The following NPR3 variants were observed in gnomAD, a reference collection of about 807,000 sequenced individuals.
NPR3 encodes the protein atrial natriuretic peptide receptor 3.
Under a neutral mutation model 54.5 loss-of-function variants are expected in NPR3, and 34 were observed. The observed-to-expected ratio is 0.62, with a 90% CI of 0.47 to 0.83. NPR3 has a LOEUF of 0.83. Ranked by LOEUF, NPR3 falls within the 40% of genes least tolerant of loss-of-function variation. The probability of loss-of-function intolerance (pLI) is 0.00; values close to 1 mark genes in which losing one functional copy is unlikely to be tolerated. For missense variants in NPR3, 674 were observed against 720.8 expected (o/e 0.94, Z 0.74); for synonymous variants, 289 against 297.1 (o/e 0.97, Z 0.28).
chr5:32,714,327 C>T (rs115729701), intron 1 of NPR3, among the ~76,000 whole-genome samples: 4,406 of 152,136 alleles, frequency 0.029, 239 homozygotes, highest in African/African-American at 0.1. Context: ...GGGCAGATCG[C>T]GGCCCCGGGG....
At chr5:32,760,088 C>T (rs950772275) in intron 3 of NPR3, among the ~76,000 whole-genome samples, 10 of 151,364 alleles carry the variant, frequency 6.6e-5, no homozygotes, top group Admixed American at 2.0e-4. Flanking sequence ...TGTTTAAATA[C>T]GCCATGATTT....
chr5:32,761,403 T>A lies in NPR3; in HGVS notation c.1060-13305T>A, dbSNP rs565308663. Among the ~76,000 whole-genome samples, 33 of 152,104 alleles carry A rather than the reference T, an allele frequency of 2.2e-4. 1 individual carries two copies. In the South Asian group the frequency reaches 4.4e-3, roughly 20 times the overall value. Reference sequence around the variant, plus strand: ...AAAGATCCTGCACATTTCTGATTTTTAAAAAAAATAATTTTTTGTCTTTTG... The same window carrying A: ...AAAGATCCTGCACATTTCTGATTTTAAAAAAAAATAATTTTTTGTCTTTTG... On this transcript the variant is annotated intron_variant, in intron 3 of 7. Coordinates refer to ENST00000265074, the MANE Select transcript of NPR3 (RefSeq NM_001204375.2).
At chr5:32,744,644 C>G (rs1740205251) in intron 3 of NPR3, among the ~76,000 whole-genome samples, 1 of 152,100 alleles carries the variant, frequency 6.6e-6, no homozygotes, top group Admixed American at 6.5e-5. Context: ...ACTTTTGTTT[C>G]TTGTATTCCA....
rs141514562 is a variant in NPR3, at chr5:32,724,924, C to A, written c.892+104C>A. On this transcript the variant is annotated intron_variant, in intron 2 of 7. Transcript: ENST00000265074. The stretch of plus-strand genomic sequence containing the variant: ...TAAATAATATGTGGTACATAAACAC[C>A]ATGGAATACTATGCAGCTTTATAAA... 20 of 1,235,512 alleles carry A rather than the reference C, an allele frequency of 1.6e-5. No individual in the cohort carries two copies. The East Asian group carries it at 4.0e-4, about 25-fold the overall frequency. 76.5% of individuals were successfully genotyped at this position (1,235,512 alleles called of 1,614,324 possible).
intron 2 of NPR3, among the ~76,000 whole-genome samples, chr5:32,737,589 G>A (rs1378356307): frequency 6.6e-6 from 1 of 152,166 alleles, no homozygotes; most frequent in Non-Finnish European, 1.5e-5. Flanking sequence ...AGCAGGTGGA[G>A]TTCCTTGTAT....
chr5:32,763,008 A>C (rs565428022), intron 3 of NPR3, among the ~76,000 whole-genome samples: 2 of 152,202 alleles, frequency 1.3e-5, no homozygotes, highest in Non-Finnish European at 2.9e-5. Flanking sequence ...TAATTTTTGT[A>C]TAAGGTATAA....
At chr5:32,714,215 A>G (rs1738423751) in intron 1 of NPR3, among the ~76,000 whole-genome samples, 1 of 152,068 alleles carries the variant, frequency 6.6e-6, no homozygotes, top group Non-Finnish European at 1.5e-5. Context: ...CGGTTTGCTG[A>G]CTCGTCCGTA....
In NPR3 at chr5:32,750,675, A is replaced by C. The variant is rs145580419; in HGVS notation, c.1059+11645A>C. ...TCTTATCAAAGCAGGGGAAAGAGAG[A>C]CAGGATGTATTTGAGAGAGCGAGTG... On this transcript the variant is annotated intron_variant, in intron 3 of 7. Coordinates refer to ENST00000265074, the MANE Select transcript of NPR3 (RefSeq NM_001204375.2). 3.5e-3 allele frequency among the ~76,000 whole-genome samples: 528 copies of C among 152,186 alleles called. 3 individuals carry two copies. Among genetic ancestry groups the C allele is most frequent in the African/African-American group, 0.012 (512 of 41,506 alleles).
At chr5:32,724,033 T>G (rs2111889659) in intron 1 of NPR3, among the ~76,000 whole-genome samples, 1 of 152,330 alleles carries the variant, frequency 6.6e-6, no homozygotes, top group South Asian at 2.1e-4. Context: ...TATTTACCCC[T>G]AAACATTCAA....
intron 3 of NPR3, among the ~76,000 whole-genome samples, chr5:32,756,300 TG>T (rs1377442900): frequency 1.3e-5 from 2 of 152,336 alleles, no homozygotes; most frequent in East Asian, 1.9e-4. Context: ...CCATTCTAAC[TG>T]GTGTGAGATG....
intron 3 of NPR3, among the ~76,000 whole-genome samples, chr5:32,768,124 G>C (rs1344962570): frequency 2.0e-5 from 3 of 152,000 alleles, no homozygotes; most frequent in African/African-American, 4.8e-5. Flanking sequence ...CCTCAACTTC[G>C]TGCCTTGACA....
intron 3 of NPR3, 135 bp downstream of exon 3, chr5:32,739,165 CTGTGTGTG>C (rs552222462): frequency 4.2e-6 from 3 of 707,500 alleles, no homozygotes; most frequent in Non-Finnish European, 6.6e-6. Flanking sequence ...CTGTTGCCTT[CTGTGTGTG>C]TGTGTGTGTG....
chr5:32,775,143 G>A (rs1741977766), intron 4 of NPR3, among the ~76,000 whole-genome samples: 2 of 152,190 alleles, frequency 1.3e-5, no homozygotes, highest in Admixed American at 6.5e-5. Flanking sequence ...TTTGTGAAGA[G>A]TTCTGTGATG....
At chr5:32,734,592 C>G (rs1430447339) in intron 2 of NPR3, among the ~76,000 whole-genome samples, 1 of 152,164 alleles carries the variant, frequency 6.6e-6, no homozygotes, top group Non-Finnish European at 1.5e-5. Flanking sequence ...TCCTCAAGGT[C>G]ACCAGTGAGC....
At chr5:32,731,637 A>T (rs1232932424) in intron 2 of NPR3, among the ~76,000 whole-genome samples, 1 of 152,212 alleles carries the variant, frequency 6.6e-6, no homozygotes, top group Non-Finnish European at 1.5e-5. Flanking sequence ...AATACTTAAA[A>T]AATTATGTTA....
rs770260998 is a variant in NPR3, at chr5:32,789,420, ACAT to A, written c.*3078_*3080del. On this transcript the variant is annotated 3_prime_UTR_variant, in exon 8 of 8. Transcript: ENST00000265074. ...AGGTTTCATGAGAAGGTCCCTGAAA[ACAT>A]CACATTTCTCTGAAGAACCATCAAC... The A allele has an allele frequency of 1.0e-4, 54 of 526,152 alleles. 2 individuals are homozygous for A. Among genetic ancestry groups the A allele is most frequent in the South Asian group, 7.7e-4 (54 of 70,214 alleles). 32.6% of individuals were successfully genotyped at this position (526,152 alleles called of 1,614,324 possible). A position where few individuals can be genotyped will look rare whatever the true frequency, so the allele number is the denominator to read the frequency against.
chr5:32,789,717 T>G lies in NPR3; in HGVS notation c.*3372T>G, dbSNP rs2112090465. 1 of 532,186 alleles carries G rather than the reference T, an allele frequency of 1.9e-6. No individual in the cohort carries two copies. The highest frequency in any genetic ancestry group is 3.9e-6 in the Non-Finnish European group (1 of 259,066). The allele number at this position is 532,186 out of a possible 1,614,324, so 33.0% of individuals were successfully genotyped here. The stretch of plus-strand genomic sequence containing the variant: ...CCTTTTAGTTATGGCTGATTTTGGG[T>G]GTGTGTGTGTAAGACATGCAGTCAA... On this transcript the variant is annotated 3_prime_UTR_variant, in exon 8 of 8. Transcript: ENST00000265074.
intron 1 of NPR3, among the ~76,000 whole-genome samples, chr5:32,696,259 T>G (rs558833418): frequency 6.6e-6 from 1 of 152,348 alleles, no homozygotes; most frequent in East Asian, 1.9e-4. Flanking sequence ...AAGGGTGTCC[T>G]TTCCCTAATG....
chr5:32,694,892 T>C (rs1365574023), intron 1 of NPR3, among the ~76,000 whole-genome samples: 3 of 152,158 alleles, frequency 2.0e-5, no homozygotes, highest in Admixed American at 1.3e-4. Context: ...GTCATTCTAT[T>C]CTCTGTCTCC....
Sources: gnomAD v4.1 joint callset for allele counts (sites outside exome capture counted in the v4.1 genomes callset) on GRCh38, gnomAD v4.1.1 for gene constraint, MANE v1.5 for transcripts, NCBI Gene and HGNC (gene_info 2026-07-23, HGNC 2026-07-21) for gene names.